The following CD96 variants were observed in gnomAD, a reference collection of about 807,000 sequenced individuals.
CD96 encodes the protein T-cell surface protein tactile.
A neutral mutation model predicts 71.3 loss-of-function variants in CD96; 70 were observed. The observed-to-expected ratio is 0.98, with a 90% CI of 0.81 to 1.20. CD96 has a LOEUF of 1.20. CD96 is among the 50% of genes most tolerant of loss of function. The pLI, the probability that CD96 is intolerant of heterozygous loss-of-function variation, is 0.00. For synonymous variants in CD96, 248 were observed against 233.0 expected (o/e 1.06, Z -0.59); for missense variants, 742 against 677.5 (o/e 1.10, Z -1.06).
chr3:111,597,419 T>C (rs531084477), intron 5 of CD96, among the ~76,000 whole-genome samples: 1 of 152,314 alleles, frequency 6.6e-6, no homozygotes, highest in African/African-American at 2.4e-5. Flanking sequence ...TTTTTTTATT[T>C]CAATACAATT....
At chr3:111,625,729 C>T (rs1938718456) in intron 10 of CD96, among the ~76,000 whole-genome samples, 1 of 151,970 alleles carries the variant, frequency 6.6e-6, no homozygotes, top group African/African-American at 2.4e-5. Context: ...AACAAAGAGA[C>T]ATAACCATAA....
At chr3:111,555,810 A>C (rs1243588220) in intron 2 of CD96, among the ~76,000 whole-genome samples, 2 of 152,302 alleles carry the variant, frequency 1.3e-5, no homozygotes. Flanking sequence ...TAAATAATCA[A>C]ATATGTGAAG....
chr3:111,655,772 C>CTTT (rs567356158), downstream of CD96, among the ~76,000 whole-genome samples: 2 of 151,930 alleles, frequency 1.3e-5, no homozygotes, highest in Non-Finnish European at 2.9e-5. Context: ...ACTAAAAACT[C>CTTT]TTGAGAAAAA....
chr3:111,658,343 A>G (rs934390606), intron 14 of CD96, among the ~76,000 whole-genome samples: 15 of 152,208 alleles, frequency 9.9e-5, no homozygotes, highest in Admixed American at 6.5e-5. Context: ...AGATAGGTAG[A>G]TAGGTAGTCA....
intron 3 of CD96, among the ~76,000 whole-genome samples, chr3:111,572,098 A>T (rs529811114): frequency 5.3e-5 from 8 of 152,340 alleles, no homozygotes; most frequent in Middle Eastern, 3.4e-3. Context: ...GTAGAGATTT[A>T]AGATGTTAAT....
intron 2 of CD96, among the ~76,000 whole-genome samples, chr3:111,554,376 C>A (rs1024255137): frequency 1.3e-5 from 2 of 151,950 alleles, no homozygotes; most frequent in Non-Finnish European, 2.9e-5. Flanking sequence ...ATTTGTCCAC[C>A]TTTTGATCTA....
intron 8 of CD96, among the ~76,000 whole-genome samples, chr3:111,620,520 A>C (rs1024555509): frequency 2.6e-5 from 4 of 152,236 alleles, no homozygotes; most frequent in Non-Finnish European, 5.9e-5. Context: ...TCTGACTTCT[A>C]CATAATGAGT....
chr3:111,605,415 G>T (rs1937595429), intron 7 of CD96, among the ~76,000 whole-genome samples: 1 of 152,180 alleles, frequency 6.6e-6, no homozygotes. Flanking sequence ...GGATAGAGGG[G>T]ATTATTTGAG....
intron 10 of CD96, among the ~76,000 whole-genome samples, chr3:111,631,130 T>C (rs1188192332): frequency 6.6e-6 from 1 of 152,218 alleles, no homozygotes; most frequent in East Asian, 1.9e-4. Context: ...AACATAGTAT[T>C]GGAAGTTCTG....
chr3:111,604,893 A>G (rs73852835), intron 7 of CD96, among the ~76,000 whole-genome samples: 3,727 of 152,304 alleles, frequency 0.024, 180 homozygotes, highest in African/African-American at 0.086. Context: ...AAAAAGGGAA[A>G]AACTGTGTTC....
chr3:111,618,773 G>A (rs529232934), intron 8 of CD96, among the ~76,000 whole-genome samples: 4 of 151,666 alleles, frequency 2.6e-5, no homozygotes, highest in South Asian at 4.2e-4. Flanking sequence ...GGGTTTCACC[G>A]TGTTAGCCAG....
intron 5 of CD96, among the ~76,000 whole-genome samples, chr3:111,588,957 T>G (rs541709879): frequency 1.0e-3 from 125 of 123,170 alleles, no homozygotes; most frequent in African/African-American, 4.6e-3. Context: ...TTTTTTTCTT[T>G]TTTTTTTTTT....
intron 8 of CD96, among the ~76,000 whole-genome samples, chr3:111,618,761 G>A (rs1405251916): frequency 5.3e-5 from 8 of 151,408 alleles, no homozygotes; most frequent in Admixed American, 2.0e-4. Flanking sequence ...TAGTAGAGAC[G>A]GGGGTTTCAC....
rs141488032 is a variant in CD96 at position 111,589,811 on chromosome 3, G to T, written c.807+4433G>T. Among the ~76,000 whole-genome samples the T allele has an allele frequency of 7.4e-4, 112 of 152,256 alleles. 1 individual carries two copies. The highest frequency in any genetic ancestry group is 2.5e-3 in the African/African-American group (103 of 41,546). On this transcript the variant is annotated intron_variant, in intron 5 of 13. Transcript: ENST00000352690. ...CAGAATAGTATTATTATGATGGAAG[G>T]ATATCATGCTTCAGGGTCAGATAGC...
intron 10 of CD96, chr3:111,634,944 A>G (rs920138437): frequency 1.3e-5 from 2 of 152,862 alleles, no homozygotes; most frequent in Admixed American, 1.3e-4. Flanking sequence ...GAGACTCCCA[A>G]GAAGACTTTA....
intron 4 of CD96, among the ~76,000 whole-genome samples, chr3:111,583,003 A>T (rs1051940532): frequency 2.0e-5 from 3 of 152,196 alleles, no homozygotes; most frequent in African/African-American, 7.2e-5. Context: ...CAAAAGTCCA[A>T]GTCCAAAGTC....
chr3:111,592,080 T>C (rs1937015550), intron 5 of CD96, among the ~76,000 whole-genome samples: 1 of 152,174 alleles, frequency 6.6e-6, no homozygotes, highest in East Asian at 1.9e-4. Flanking sequence ...CTTTCCCCAC[T>C]CCATCCCCAT....
At chr3:111,563,212 A>G (rs73228135) in intron 2 of CD96, among the ~76,000 whole-genome samples, 1 of 152,328 alleles carries the variant, frequency 6.6e-6, no homozygotes, top group Non-Finnish European at 1.5e-5. Flanking sequence ...TTCAACATGC[A>G]TTTCAGAGGG....
At chr3:111,583,852 G>T (rs142736168) in intron 4 of CD96, among the ~76,000 whole-genome samples, 1 of 152,282 alleles carries the variant, frequency 6.6e-6, no homozygotes, top group Non-Finnish European at 1.5e-5. Context: ...TGATGGGAGG[G>T]GCTGCTGTGA....
Sources: allele counts gnomAD v4.1 joint callset (sites outside exome capture counted in the v4.1 genomes callset), GRCh38; gene constraint gnomAD v4.1.1; transcripts MANE v1.5; gene names NCBI Gene and HGNC (gene_info 2026-07-23, HGNC 2026-07-21).